The following ZNF467 variants were observed in gnomAD, a reference collection of about 807,000 sequenced individuals.
ZNF467 encodes zinc finger protein EZI.
A neutral mutation model predicts 47.8 loss-of-function variants in ZNF467; 51 were observed. The ratio of observed to expected loss-of-function variants is 1.07; its 90% CI spans 0.85 to 1.35. The LOEUF is 1.35. Among genes scored for constraint, ZNF467 ranks in the 40% most tolerant of loss-of-function variants. ZNF467 has a pLI of 0.00. For synonymous variants in ZNF467, 416 were observed against 372.9 expected, an observed-to-expected ratio of 1.12 and a Z score of -1.33; for missense variants, 992 against 858.1, an observed-to-expected ratio of 1.16 and a Z score of -1.95.
intron 3 of ZNF467, among the ~76,000 whole-genome samples, chr7:149,770,187 ACT>A (rs1488507271): frequency 6.6e-6 from 1 of 150,764 alleles, no homozygotes; most frequent in Non-Finnish European, 1.5e-5. Context: ...TTGTTTGCTG[ACT>A]CTCTGCACTC....
At chr7:149,768,603 G>T (rs1244916816) in intron 4 of ZNF467, among the ~76,000 whole-genome samples, 46 of 152,216 alleles carry the variant, frequency 3.0e-4, no homozygotes, top group Non-Finnish European at 2.1e-4. Context: ...GGAAGTCATG[G>T]TGGGATTGTT....
chr7:149,776,077 G>A, upstream of ZNF467: 2 of 1,365,128 alleles, frequency 1.5e-6, no homozygotes, highest in African/African-American at 1.5e-5. Context: ...GGATGGCGTG[G>A]GCCCTGGCTG....
intron 1 of ZNF467, among the ~76,000 whole-genome samples, chr7:149,772,068 C>T (rs1260457544): frequency 7.1e-6 from 1 of 141,310 alleles, no homozygotes; most frequent in African/African-American, 2.7e-5. Context: ...TCCTTTCCCC[C>T]TCCTCTTTTC....
chr7:149,775,985 G>A, upstream of ZNF467: 5 of 1,294,096 alleles, frequency 3.9e-6, no homozygotes, highest in Non-Finnish European at 5.2e-6. Context: ...CTGCAGCATT[G>A]CCTCTCTTGA....
chr7:149,771,506 T>C (rs917304287), intron 1 of ZNF467, among the ~76,000 whole-genome samples: 2 of 152,054 alleles, frequency 1.3e-5, no homozygotes, highest in Non-Finnish European at 2.9e-5. Context: ...GCTGGTGAAA[T>C]AGGAGCCAGC....
At chr7:149,766,296 AACC>A in intron 4 of ZNF467, 57 bp from the exon 5 acceptor site, 1 of 1,508,710 alleles carries the variant, frequency 6.6e-7, no homozygotes, top group Non-Finnish European at 8.9e-7. Flanking sequence ...ACGTCTATTT[AACC>A]ACAGGATCTC....
In ZNF467 at chr7:149,770,569, G is replaced by A; in HGVS notation, c.35-13C>T. On this transcript the variant is annotated splice_polypyrimidine_tract_variant and intron_variant, in intron 2 of 4. Transcript: ENST00000302017. Reference sequence around the variant, plus strand: ...CCCACAGAGAATCCTGTTACAGGCAGAAGGATGGGTCCAAGTAAAGCATCC... The same window carrying A: ...CCCACAGAGAATCCTGTTACAGGCAAAAGGATGGGTCCAAGTAAAGCATCC... The A allele has an allele frequency of 6.2e-7, 1 of 1,605,250 alleles. No individual in the cohort carries two copies. Among genetic ancestry groups the A allele is most frequent in the Non-Finnish European group, 8.5e-7 (1 of 1,173,512 alleles).
upstream of ZNF467, among the ~76,000 whole-genome samples, chr7:149,773,965 G>A (rs898516884): frequency 6.6e-6 from 1 of 152,296 alleles, no homozygotes; most frequent in East Asian, 1.9e-4. Context: ...CGGGTCCTTC[G>A]AAGTAGAAAC....
chr7:149,770,962 A>G, intron 2 of ZNF467, 37 bp downstream of exon 2: 1 of 1,613,944 alleles, frequency 6.2e-7, no homozygotes, highest in Non-Finnish European at 8.5e-7. Context: ...AATCCTCCTA[A>G]GCTTTTCCCC....
Position 149,764,986 on chromosome 7 carries a change from G to T in ZNF467, c.1516C>A (p.Gln506Lys). 1 of 1,591,708 alleles carries T rather than the reference G, an allele frequency of 6.3e-7. No homozygotes were observed. Among genetic ancestry groups the T allele is most frequent in the Non-Finnish European group, 8.5e-7 (1 of 1,174,816 alleles). Reference protein sequence around the residue: ...FSRKSHLGRHQAVHTGSRPHA... With the variant: ...FSRKSHLGRHKAVHTGSRPHA... ...GGGCGGCTGCCAGTGTGCACCGCCT[G>T]GTGGCGGCCCAGGTGCGACTTGCGG... Residue 506 changes from glutamine to lysine, a missense_variant, in exon 5 of 5, where the codon CAG (glutamine) becomes AAG (lysine). Transcript: ENST00000302017.
chr7:149,776,272 A>C, upstream of ZNF467: 1 of 1,245,578 alleles, frequency 8.0e-7, no homozygotes, highest in Non-Finnish European at 1.1e-6. Context: ...CACCCCTGGG[A>C]GTGGTGTCAT....
Position 149,769,112 on chromosome 7 carries a change from A to G in ZNF467, c.240T>C (p.Ala80=), listed in dbSNP as rs930770761. ...CACCTGGGCAGGTACCCACAGGCTG[A>G]GCCTTCTGTGCTGAGCACGCCTGGC... The part of the protein sequence containing the change: ...CRGQACSAQK[A]QPVGTCPGEE... The change falls in exon 4 of 5, where the codon GCT becomes GCC. Residue 80 remains alanine, a synonymous_variant. Coordinates refer to ENST00000302017, the MANE Select transcript of ZNF467 (RefSeq NM_207336.3). The surrounding 1 kb of genome is among the most constrained non-coding windows in gnomAD (Gnocchi z 5.3). 19 of 1,555,184 alleles carry G rather than the reference A, an allele frequency of 1.2e-5. No homozygotes were observed. Among genetic ancestry groups the G allele is most frequent in the Non-Finnish European group, 1.7e-5 (19 of 1,148,882 alleles).
At chr7:149,772,496 C>T (rs934108167) in intron 1 of ZNF467, among the ~76,000 whole-genome samples, 101 of 137,450 alleles carry the variant, frequency 7.3e-4, no homozygotes, top group Non-Finnish European at 1.3e-3. Context: ...CTCCCCACTC[C>T]GTCTCCCCTC....
chr7:149,774,109 C>T (rs1276913598), upstream of ZNF467, among the ~76,000 whole-genome samples: 2 of 148,534 alleles, frequency 1.3e-5, no homozygotes, highest in Non-Finnish European at 3.0e-5. The surrounding 1 kb of genome is among the most constrained non-coding windows in gnomAD (Gnocchi z 5.7). Context: ...GAGGGGGCTG[C>T]AGAGAGGGGA....
Position 149,765,705 on chromosome 7 carries a change from TGGGTCTTTTGGTGCGA to T in ZNF467, c.781_796del (p.Ser261ThrfsTer22). The T allele has an allele frequency of 6.2e-7, 1 of 1,613,602 alleles. No homozygotes were observed. Among genetic ancestry groups the T allele is most frequent in the East Asian group, 2.2e-5 (1 of 44,860 alleles). On this transcript the variant is annotated frameshift_variant, in exon 5 of 5. Coordinates refer to ENST00000302017, the MANE Select transcript of ZNF467 (RefSeq NM_207336.3). LOFTEE classifies it high-confidence loss of function. The stretch of plus-strand genomic sequence containing the variant: ...GCAGGGGAAGGGCCGCTCGCCGGTG[TGGGTCTTTTGGTGCGA>T]GCCCAGGTGGATCTTCTGGCTGAAG...
chr7:149,765,731 G>T lies in ZNF467; in HGVS notation c.771C>A (p.Ile257=), dbSNP rs757736294. The part of the protein sequence containing the change: ...AECGKRFSQK[I]HLGSHQKTHT... ...GGGTCTTTTGGTGCGAGCCCAGGTG[G>T]ATCTTCTGGCTGAAGCGCTTGCCGC... Residue 257 remains isoleucine, a synonymous_variant, in exon 5 of 5, where the codon ATC becomes ATA. Transcript: ENST00000302017. The T allele has an allele frequency of 1.2e-6, 2 of 1,613,304 alleles. No individual in the cohort carries two copies. Among genetic ancestry groups the T allele is most frequent in the Non-Finnish European group, 1.7e-6 (2 of 1,179,750 alleles).
At chr7:149,776,384 A>C, upstream of ZNF467, 3 of 1,363,698 alleles carry the variant, frequency 2.2e-6, no homozygotes, top group Non-Finnish European at 2.9e-6. Context: ...CGTGTGGAGG[A>C]GGAAGTGGCA....
chr7:149,765,276 C>T lies in ZNF467; in HGVS notation c.1226G>A (p.Gly409Glu). 6.8e-7 allele frequency: 1 copy of T among 1,460,028 alleles called. No homozygotes were observed. The allele number at this position is 1,460,028 out of a possible 1,614,324, so 90.4% of individuals were successfully genotyped here. ...ATCGGATCCTGGGCCGCAGCCCGGTCCGCCAGGCGCGCTGGCCAGGGGCTT... is the reference window on the plus strand; with the variant it reads ...ATCGGATCCTGGGCCGCAGCCCGGTTCGCCAGGCGCGCTGGCCAGGGGCTT... ...AAKPLASAPG[G>E]PGCGPGSDPV... Residue 409 changes from glycine (G) to glutamate (E), a missense_variant, in exon 5 of 5, where the codon GGA becomes GAA. Gly to Glu is a moderately conservative substitution (Grantham distance 98, BLOSUM62 -2). Transcript: ENST00000302017.
rs1210906931 is a variant in ZNF467 at position 149,765,501 on chromosome 7, G to A, written c.1001C>T (p.Ser334Leu). The part of the protein sequence containing the change: ...TAGPARPSPD[S>L]SASPHSTAPS... The stretch of plus-strand genomic sequence containing the variant: ...GGCAGTGGAATGAGGAGAAGCGGAC[G>A]AGTCGGGAGAGGGCCTGGCCGGGCC... The change falls in exon 5 of 5, where the codon TCG (serine) becomes TTG (leucine). Residue 334 changes from serine (S) to leucine (L), a missense_variant. Physicochemically the swap from Ser to Leu is moderately radical, Grantham distance 145. Coordinates refer to ENST00000302017, the MANE Select transcript of ZNF467 (RefSeq NM_207336.3). 1.3e-6 allele frequency: 2 copies of A among 1,582,170 alleles called. No homozygotes were observed. Among genetic ancestry groups the A allele is most frequent in the South Asian group, 2.3e-5 (2 of 86,876 alleles).
Sources: gnomAD v4.1 joint callset for allele counts (sites outside exome capture counted in the v4.1 genomes callset) on GRCh38, gnomAD v4.1.1 for gene constraint, Gnocchi (gnomAD v3.1) non-coding constraint, MANE v1.5 for transcripts, NCBI Gene and HGNC (gene_info 2026-07-23, HGNC 2026-07-21) for gene names.